RIOX2: variants seen among roughly 807,000 people sequenced by gnomAD.
RIOX2 encodes 60S ribosomal protein L27a histidine hydroxylase.
In RIOX2, 43 loss-of-function variants were observed where a neutral mutation model predicts 51.2. The observed-to-expected ratio is 0.84, with a 90% confidence interval of 0.66 to 1.08. RIOX2 has a LOEUF of 1.08. Among genes scored for constraint, RIOX2 ranks in the 50% least tolerant of loss-of-function variants. The pLI, the probability that RIOX2 is intolerant of heterozygous loss-of-function variation, is 0.00. For synonymous variants in RIOX2, 226 were observed against 218.5 expected, an observed-to-expected ratio of 1.03 and a Z score of -0.30; for missense variants, 566 against 561.7, an observed-to-expected ratio of 1.01 and a Z score of -0.08.
chr3:97,963,906 T>C (rs2107186297), intron 2 of RIOX2, among the ~76,000 whole-genome samples: 1 of 152,302 alleles, frequency 6.6e-6, no homozygotes. Context: ...CAGTTGTTTA[T>C]CTTTAAGATA....
chr3:97,963,937 C>A (rs1705777405), intron 2 of RIOX2, among the ~76,000 whole-genome samples: 1 of 152,204 alleles, frequency 6.6e-6, no homozygotes, highest in South Asian at 2.1e-4. Context: ...CACTCCCACT[C>A]AAACACTGTG....
chr3:97,942,098 TC>T lies in RIOX2; in HGVS notation c.*3085del, dbSNP rs1458870599. The T allele has an allele frequency of 1.9e-5, 8 of 414,960 alleles. No individual in the cohort carries two copies. The East Asian group carries it at 2.9e-4, about 15-fold the overall frequency. 25.7% of individuals were successfully genotyped at this position (414,960 alleles called of 1,614,324 possible). On this transcript the variant is annotated 3_prime_UTR_variant, in exon 10 of 10. Coordinates refer to ENST00000394198, the MANE Select transcript of RIOX2 (RefSeq NM_153182.4). ...TCAGTTGGTTTATTTCTGTACCATC[TC>T]CTACCCACAGCCGTAAAGAAGACAT... is the stretch of plus-strand genomic sequence containing the variant.
At chr3:97,950,073 A>G (rs904289688) in intron 6 of RIOX2, 58 bp from the exon 7 acceptor site, 1 of 1,582,570 alleles carries the variant, frequency 6.3e-7, no homozygotes, top group South Asian at 1.1e-5. Flanking sequence ...TGCCCAGCTC[A>G]GTCTCCACAG....
intron 1 of RIOX2, chr3:97,971,789 A>G (rs1397836999): frequency 1.3e-5 from 2 of 152,282 alleles, no homozygotes; most frequent in Admixed American, 1.3e-4. Flanking sequence ...TCCTGAAAAC[A>G]GTGAATAACC....
intron 5 of RIOX2, chr3:97,951,200 C>G: frequency 4.2e-6 from 1 of 238,036 alleles, no homozygotes; most frequent in Non-Finnish European, 8.2e-6. Flanking sequence ...ACAGGAAGTT[C>G]AATGGACCAA....
intron 7 of RIOX2, among the ~76,000 whole-genome samples, chr3:97,947,909 A>C (rs144346646): frequency 6.6e-6 from 1 of 152,206 alleles, no homozygotes; most frequent in Non-Finnish European, 1.5e-5. Context: ...AGTCTATGTA[A>C]GTCAAGAATA....
At chr3:97,956,002 G>A (rs1301100134) in intron 4 of RIOX2, among the ~76,000 whole-genome samples, 1 of 152,180 alleles carries the variant, frequency 6.6e-6, no homozygotes, top group Non-Finnish European at 1.5e-5. Context: ...GTTACTCTGG[G>A]TGAGCCCGTC....
At position 97,942,621 on chromosome 3, in the gene RIOX2, A is replaced by C; in HGVS notation, c.*2563T>G. On this transcript the variant is annotated 3_prime_UTR_variant, in exon 10 of 10. Transcript: ENST00000394198. ...AACAAAACAATTAGCAGAAAAAGCC[A>C]AACAACAAAGCTTAGGGTTTTTGTT... is the stretch of plus-strand genomic sequence containing the variant. 1.7e-6 allele frequency: 1 copy of C among 579,192 alleles called. No homozygotes were observed. Among genetic ancestry groups the C allele is most frequent in the East Asian group, 3.0e-5 (1 of 33,822 alleles). The allele number at this position is 579,192 out of a possible 1,614,324, so 35.9% of individuals were successfully genotyped here.
intron 3 of RIOX2, among the ~76,000 whole-genome samples, chr3:97,960,995 T>TA (rs1705653674): frequency 1.3e-5 from 2 of 152,218 alleles, no homozygotes; most frequent in Admixed American, 1.3e-4. Flanking sequence ...GGGGACTTTT[T>TA]ACCAATAACT....
Position 97,942,627 on chromosome 3 carries a change from C to T in RIOX2, c.*2557G>A. On this transcript the variant is annotated 3_prime_UTR_variant, in exon 10 of 10. Transcript: ENST00000394198. ...ACAATTAGCAGAAAAAGCCAAACAA[C>T]AAAGCTTAGGGTTTTTGTTCATTAG... is the stretch of plus-strand genomic sequence containing the variant. 3.6e-6 allele frequency: 2 copies of T among 553,290 alleles called. No homozygotes were observed. The highest frequency in any genetic ancestry group is 3.1e-6 in the Non-Finnish European group (1 of 326,450). 34.3% of individuals were successfully genotyped at this position (553,290 alleles called of 1,614,324 possible). A position where few individuals can be genotyped will look rare whatever the true frequency, so the allele number is the denominator to read the frequency against.
In RIOX2 at chr3:97,967,461, A is replaced by T; in HGVS notation, c.133T>A (p.Leu45Ile). ...GTCTCTGTCTTGATGGGCGAGATTA[A>T]ACTTTCAAAGAGACTACTGGGACTG... Reference protein sequence around the residue: ...FDSPSSLFESLISPIKTETFF... With the variant: ...FDSPSSLFESIISPIKTETFF... The change falls in exon 2 of 10, where the codon TTA becomes ATA. Residue 45 changes from leucine to isoleucine, a missense_variant. Transcript: ENST00000394198. The T allele has an allele frequency of 6.2e-7, 1 of 1,614,136 alleles. No homozygotes were observed. The highest frequency in any genetic ancestry group is 2.2e-5 in the East Asian group (1 of 44,876).
intron 5 of RIOX2, among the ~76,000 whole-genome samples, chr3:97,952,688 T>C (rs1705294247): frequency 6.6e-6 from 1 of 152,200 alleles, no homozygotes; most frequent in South Asian, 2.1e-4. Context: ...GGCCAAACTA[T>C]GTGGTCCAGA....
intron 1 of RIOX2, chr3:97,972,179 G>A (rs1219691960): frequency 1.7e-5 from 2 of 120,050 alleles, no homozygotes; most frequent in Non-Finnish European, 3.5e-5. Flanking sequence ...CCCTGCCCCA[G>A]TCTCCGGGGA....
intron 4 of RIOX2, among the ~76,000 whole-genome samples, chr3:97,955,590 G>A (rs1489987641): frequency 6.6e-6 from 1 of 152,084 alleles, no homozygotes; most frequent in Non-Finnish European, 1.5e-5. Flanking sequence ...AGCTATCTTA[G>A]TTGCAAATTT....
chr3:97,958,856 G>A (rs1705552908), intron 4 of RIOX2, among the ~76,000 whole-genome samples, 195 bp downstream of exon 4: 1 of 152,156 alleles, frequency 6.6e-6, no homozygotes, highest in South Asian at 2.1e-4. Context: ...TTCTCCAAGT[G>A]CAAACCACCA....
At chr3:97,955,439 C>T (rs138951148) in intron 4 of RIOX2, among the ~76,000 whole-genome samples, 2 of 152,150 alleles carry the variant, frequency 1.3e-5, no homozygotes, top group East Asian at 3.9e-4. Flanking sequence ...CTCATCTTCT[C>T]TCTGCAACTA....
chr3:97,947,809 C>T (rs832076), intron 7 of RIOX2, among the ~76,000 whole-genome samples: 151,948 of 152,336 alleles, frequency 1, 75,783 homozygotes, highest in Non-Finnish European at 1. Context: ...ACAAGCTTCT[C>T]GCTCAACATA....
rs1276284382 is a variant in RIOX2, at chr3:97,949,762, G to A, written c.1060+82C>T. ...CGAAAGCACTTCATACTTTCCATCT[G>A]TTCAAAAAGGAGCCTACCCAGAAAA... is the stretch of plus-strand genomic sequence containing the variant. On this transcript the variant is annotated intron_variant, in intron 7 of 9. Coordinates refer to ENST00000394198, the MANE Select transcript of RIOX2 (RefSeq NM_153182.4). 3 of 1,288,930 alleles carry A rather than the reference G, an allele frequency of 2.3e-6. No individual in the cohort carries two copies. The African/African-American group carries it at 4.5e-5, about 19-fold the overall frequency. The allele number at this position is 1,288,930 out of a possible 1,614,324, so 79.8% of individuals were successfully genotyped here.
chr3:97,945,161 A>T lies in RIOX2; in HGVS notation c.*23T>A. 4 of 1,581,824 alleles carry T rather than the reference A, an allele frequency of 2.5e-6. No individual in the cohort carries two copies. Among genetic ancestry groups the T allele is most frequent in the Non-Finnish European group, 3.4e-6 (4 of 1,166,584 alleles). ...TTTTAATATATGCATATAAAATAGT[A>T]GGCATTTGATTCTGCAAAGGCACTA... On this transcript the variant is annotated 3_prime_UTR_variant, in exon 10 of 10. Transcript: ENST00000394198.
Sources: allele counts gnomAD v4.1 joint callset (sites outside exome capture counted in the v4.1 genomes callset), GRCh38; gene constraint gnomAD v4.1.1; transcripts MANE v1.5; gene names NCBI Gene and HGNC (gene_info 2026-07-23, HGNC 2026-07-21).